Variants in DPYSL5 observed in about 807,000 individuals in gnomAD.
DPYSL5 encodes dihydropyrimidinase-related protein 5.
In DPYSL5, 9 loss-of-function variants were observed where a neutral mutation model predicts 58.4. That is an observed-to-expected ratio of 0.15 (90% CI 0.09 to 0.27). DPYSL5 has a LOEUF of 0.27. DPYSL5 is among the 10% of genes least tolerant of loss of function. DPYSL5 has a pLI of 1.00. For missense variants in DPYSL5, 499 were observed against 770.6 expected (o/e 0.65, Z 4.17); for synonymous variants, 293 against 301.9 (o/e 0.97, Z 0.31).
At chr2:26,913,087 T>C (rs1421185848) in intron 2 of DPYSL5, among the ~76,000 whole-genome samples, 1 of 152,252 alleles carries the variant, frequency 6.6e-6, no homozygotes, top group Non-Finnish European at 1.5e-5. Flanking sequence ...TGTGTAAACA[T>C]GCAACATAAA....
intron 2 of DPYSL5, among the ~76,000 whole-genome samples, chr2:26,914,336 G>C (rs193004777): frequency 7.9e-5 from 12 of 152,328 alleles, no homozygotes; most frequent in Admixed American, 3.9e-4. Flanking sequence ...TTTCATCCAA[G>C]AGCCTTCTAT....
chr2:26,898,719 A>T lies in DPYSL5; in HGVS notation c.220A>T (p.Met74Leu). Residue 74 changes from methionine to leucine, a missense_variant, in exon 2 of 13, where the codon ATG (methionine) becomes TTG (leucine). This residue lies in a region of DPYSL5 where 404 missense variants were observed against 647.6 expected (regional missense o/e 0.62). Transcript: ENST00000288699. This position sits in a 1 kb window ranked among gnomAD's most constrained non-coding sequence, Gnocchi z 6.1. ...CAGCACCCACTTCCACCAGACCTTC[A>T]TGAATGCCACGTGCGTGGACGACTT... Reference protein sequence around the residue: ...DTSTHFHQTFMNATCVDDFYH... With the variant: ...DTSTHFHQTFLNATCVDDFYH... 6.2e-7 allele frequency: 1 copy of T among 1,613,684 alleles called. No individual in the cohort carries two copies. Among genetic ancestry groups the T allele is most frequent in the South Asian group, 1.1e-5 (1 of 91,076 alleles).
intron 1 of DPYSL5, among the ~76,000 whole-genome samples, chr2:26,855,830 C>G (rs1164175260): frequency 6.6e-6 from 1 of 152,114 alleles, no homozygotes; most frequent in Non-Finnish European, 1.5e-5. Context: ...ATACAGAAGC[C>G]GCCTCCTTTC....
chr2:26,901,242 T>C (rs900198593), intron 2 of DPYSL5, among the ~76,000 whole-genome samples: 3 of 152,152 alleles, frequency 2.0e-5, no homozygotes, highest in Admixed American at 2.0e-4. Flanking sequence ...TCACTTAAAC[T>C]GACACTTTGT....
At chr2:26,941,876 G>A in intron 9 of DPYSL5, 74 bp from the exon 10 acceptor site, 1 of 1,595,930 alleles carries the variant, frequency 6.3e-7, no homozygotes, top group Non-Finnish European at 8.6e-7. Context: ...CCATGGGCCA[G>A]CATCAAAGGT....
intron 1 of DPYSL5, among the ~76,000 whole-genome samples, chr2:26,858,286 C>A (rs1665928754): frequency 6.6e-6 from 1 of 151,452 alleles, no homozygotes; most frequent in Admixed American, 6.6e-5. Context: ...ATTCTCCTGC[C>A]TCAGCCTCCT....
At chr2:26,920,903 C>T (rs72851854) in intron 2 of DPYSL5, among the ~76,000 whole-genome samples, 3,583 of 152,198 alleles carry the variant, frequency 0.024, 128 homozygotes, top group African/African-American at 0.075. Flanking sequence ...AAACTTTTTC[C>T]GTGTTTTGAC....
intron 1 of DPYSL5, among the ~76,000 whole-genome samples, chr2:26,861,479 G>A (rs1010207114): frequency 5.9e-5 from 9 of 152,102 alleles, no homozygotes; most frequent in African/African-American, 2.2e-4. Context: ...TAGGATATTG[G>A]GTCTAAAAGA....
intron 1 of DPYSL5, among the ~76,000 whole-genome samples, chr2:26,850,521 A>G (rs1179977599): frequency 6.6e-6 from 1 of 152,170 alleles, no homozygotes; most frequent in East Asian, 1.9e-4. Context: ...GCATAAAGTT[A>G]TCATTTTAAA....
chr2:26,912,583 C>T (rs1664469169), intron 2 of DPYSL5, among the ~76,000 whole-genome samples: 1 of 152,106 alleles, frequency 6.6e-6, no homozygotes. Flanking sequence ...CAGAGCGGCT[C>T]TCCGGAAGCT....
intron 1 of DPYSL5, among the ~76,000 whole-genome samples, chr2:26,850,444 G>A (rs1337011352): frequency 6.6e-6 from 1 of 152,148 alleles, no homozygotes; most frequent in East Asian, 1.9e-4. Flanking sequence ...GACACCCAAA[G>A]CCAGAATTCT....
At chr2:26,911,462 A>C (rs1664440213) in intron 2 of DPYSL5, among the ~76,000 whole-genome samples, 1 of 152,258 alleles carries the variant, frequency 6.6e-6, no homozygotes, top group South Asian at 2.1e-4. Flanking sequence ...GCTAAAAGTC[A>C]GGAATTTTCT....
At chr2:26,892,446 C>CATTTATA (rs2148132648) in intron 1 of DPYSL5, among the ~76,000 whole-genome samples, 1 of 152,288 alleles carries the variant, frequency 6.6e-6, no homozygotes, top group Non-Finnish European at 1.5e-5. Flanking sequence ...TGTAAGCAAA[C>CATTTATA]CCATCTTGTC....
rs565228716 is a variant in DPYSL5, at chr2:26,890,362, T to C, written c.-4-8134T>C. On this transcript the variant is annotated intron_variant, in intron 1 of 12. Coordinates refer to ENST00000288699, the MANE Select transcript of DPYSL5 (RefSeq NM_020134.4). ...ACACAAATGTCCTAAACTTTTAAGA[T>C]TTTAAAAATTTAAAAAAGATATTCT... Among the ~76,000 whole-genome samples, 6 of 152,344 alleles carry C rather than the reference T, an allele frequency of 3.9e-5. No homozygotes were observed. In the South Asian group the frequency reaches 1.2e-3, roughly 32 times the overall value.
rs997568336 is a variant in DPYSL5 at position 26,933,797 on chromosome 2, C to T, written c.790+464C>T. Among the ~76,000 whole-genome samples, 8 of 152,158 alleles carry T rather than the reference C, an allele frequency of 5.3e-5. No individual in the cohort carries two copies. The highest frequency in any genetic ancestry group is 8.8e-5 in the Non-Finnish European group (6 of 68,004). On this transcript the variant is annotated intron_variant, in intron 7 of 12. Coordinates refer to ENST00000288699, the MANE Select transcript of DPYSL5 (RefSeq NM_020134.4). This position sits in a 1 kb window ranked among gnomAD's most constrained non-coding sequence, Gnocchi z 4.2. ...CCTCCTGGAACCCTGTGTATGAGTC[C>T]GAGGGGCACTTGTATGGCTTCTGTT...
At chr2:26,902,524 A>G (rs755076616) in intron 2 of DPYSL5, among the ~76,000 whole-genome samples, 12 of 152,134 alleles carry the variant, frequency 7.9e-5, no homozygotes, top group Non-Finnish European at 1.6e-4. Context: ...CAAGCTTCCT[A>G]TGTGCCTTTT....
chr2:26,929,305 T>A (rs947975006), intron 5 of DPYSL5, among the ~76,000 whole-genome samples: 1 of 152,182 alleles, frequency 6.6e-6, no homozygotes, highest in African/African-American at 2.4e-5. Context: ...CAATCTCGGC[T>A]CACTGCAACC....
chr2:26,914,424 G>A (rs541956588), intron 2 of DPYSL5, among the ~76,000 whole-genome samples: 1 of 152,334 alleles, frequency 6.6e-6, no homozygotes, highest in East Asian at 1.9e-4. Flanking sequence ...TCCCTGGGGG[G>A]TCCTCTAGTC....
intron 5 of DPYSL5, among the ~76,000 whole-genome samples, chr2:26,928,687 G>GTA (rs66756785): frequency 0.5 from 30,702 of 61,746 alleles, 8,405 homozygotes; most frequent in Admixed American, 0.55. Context: ...AGGTGATAGA[G>GTA]TATATATATA....
Sources: gnomAD v4.1 joint callset for allele counts (sites outside exome capture counted in the v4.1 genomes callset) on GRCh38, gnomAD v4.1.1 for gene constraint, gnomAD v4.1.1 regional missense constraint, Gnocchi (gnomAD v3.1) non-coding constraint, MANE v1.5 for transcripts, NCBI Gene and HGNC (gene_info 2026-07-23, HGNC 2026-07-21) for gene names.